CGNL1: variants seen among roughly 807,000 people sequenced by gnomAD.
CGNL1 encodes the protein cingulin like 1.
CGNL1 carries 132 observed loss-of-function variants against 141.2 expected under a neutral mutation model. The observed-to-expected ratio is 0.93, with a 90% confidence interval of 0.81 to 1.08. The LOEUF (loss-of-function observed/expected upper bound fraction) is 1.08. Ranked by LOEUF, CGNL1 falls within the 50% of genes least tolerant of loss-of-function variation. The pLI, the probability that CGNL1 is intolerant of heterozygous loss-of-function variation, is 0.00. For missense variants in CGNL1, 1,870 were observed against 1,588.6 expected (o/e 1.18, Z -3.01); for synonymous variants, 690 against 622.1 (o/e 1.11, Z -1.63).
intron 8 of CGNL1, among the ~76,000 whole-genome samples, chr15:57,498,440 A>G (rs1270739703): frequency 2.0e-5 from 3 of 151,960 alleles, no homozygotes; most frequent in African/African-American, 7.3e-5. Flanking sequence ...CCTGGGCTTA[A>G]GTGATCCATC....
chr15:57,546,890 G>C (rs974054082), intron 18 of CGNL1, among the ~76,000 whole-genome samples: 4 of 152,100 alleles, frequency 2.6e-5, no homozygotes, highest in African/African-American at 9.7e-5. Flanking sequence ...TGGACAGAAG[G>C]CTCCAGCCCA....
At chr15:57,392,882 A>T (rs2152234209) in intron 1 of CGNL1, among the ~76,000 whole-genome samples, 1 of 152,334 alleles carries the variant, frequency 6.6e-6, no homozygotes, top group Middle Eastern at 3.4e-3. Context: ...CTAATACATA[A>T]AAAATTGTTA....
chr15:57,409,078 C>G (rs2062757111), intron 1 of CGNL1, among the ~76,000 whole-genome samples: 1 of 151,336 alleles, frequency 6.6e-6, no homozygotes, highest in Non-Finnish European at 1.5e-5. Context: ...CACACATTGC[C>G]TTTTGACTTC....
chr15:57,531,167 A>G (rs1242228100), intron 13 of CGNL1, among the ~76,000 whole-genome samples: 1 of 152,224 alleles, frequency 6.6e-6, no homozygotes, highest in African/African-American at 2.4e-5. Flanking sequence ...ATTGGTTAGC[A>G]CTGTCTTTTG....
chr15:57,391,550 C>G (rs941570312), intron 1 of CGNL1, among the ~76,000 whole-genome samples: 1 of 152,154 alleles, frequency 6.6e-6, no homozygotes, highest in African/African-American at 2.4e-5. Flanking sequence ...ATCTAGAGAG[C>G]AGTTTGGCAA....
At chr15:57,414,550 C>G (rs1383042977) in intron 1 of CGNL1, among the ~76,000 whole-genome samples, 1 of 152,162 alleles carries the variant, frequency 6.6e-6, no homozygotes, top group Non-Finnish European at 1.5e-5. Flanking sequence ...GTGTGGTTAA[C>G]TGCCCTGCCC....
At chr15:57,523,089 G>A (rs774167493) in intron 10 of CGNL1, among the ~76,000 whole-genome samples, 2 of 152,226 alleles carry the variant, frequency 1.3e-5, no homozygotes, top group Non-Finnish European at 2.9e-5. Flanking sequence ...AACATTAGGT[G>A]TGATGCTGTG....
intron 1 of CGNL1, among the ~76,000 whole-genome samples, chr15:57,433,389 G>A (rs1295745553): frequency 3.9e-5 from 6 of 152,206 alleles, no homozygotes; most frequent in Admixed American, 3.3e-4. Context: ...GTAGTAAGGG[G>A]AGAAAAAATG....
chr15:57,539,317 G>A (rs1469275712), intron 14 of CGNL1, among the ~76,000 whole-genome samples: 3 of 151,956 alleles, frequency 2.0e-5, no homozygotes, highest in Non-Finnish European at 4.4e-5. Flanking sequence ...CCAAGCCCTG[G>A]AGGATCCTCT....
intron 1 of CGNL1, among the ~76,000 whole-genome samples, chr15:57,418,173 G>A (rs1467785497): frequency 2.0e-5 from 3 of 152,130 alleles, no homozygotes; most frequent in African/African-American, 7.2e-5. Flanking sequence ...AGGGATGCTG[G>A]GTTCTCAGGT....
chr15:57,546,751 G>A (rs531818466), intron 18 of CGNL1, among the ~76,000 whole-genome samples: 1 of 152,270 alleles, frequency 6.6e-6, no homozygotes, highest in Admixed American at 6.5e-5. Flanking sequence ...TTCTGCTCTA[G>A]GGTCTCTCCC....
At chr15:57,512,306 A>C (rs963135622) in intron 8 of CGNL1, among the ~76,000 whole-genome samples, 11 of 152,150 alleles carry the variant, frequency 7.2e-5, no homozygotes, top group Admixed American at 4.6e-4. Context: ...TTCCATTACT[A>C]CTGCAAGTGA....
intron 8 of CGNL1, among the ~76,000 whole-genome samples, chr15:57,504,732 G>A (rs865898672): frequency 2.6e-5 from 4 of 152,148 alleles, no homozygotes; most frequent in South Asian, 4.1e-4. Flanking sequence ...CTTGTACCTG[G>A]ACATGTCACC....
At chr15:57,504,647 G>A (rs1467821004) in intron 8 of CGNL1, among the ~76,000 whole-genome samples, 2 of 151,816 alleles carry the variant, frequency 1.3e-5, no homozygotes, top group East Asian at 1.9e-4. Context: ...CTGAGTCCCC[G>A]GGGGACCCAG....
chr15:57,490,721 T>A (rs571550611), intron 8 of CGNL1, among the ~76,000 whole-genome samples: 2 of 151,966 alleles, frequency 1.3e-5, no homozygotes, highest in Non-Finnish European at 2.9e-5. Flanking sequence ...CCTTCCAGAG[T>A]GTACAGGATG....
At chr15:57,468,565 T>A (rs974283782) in intron 8 of CGNL1, among the ~76,000 whole-genome samples, 7 of 119,012 alleles carry the variant, frequency 5.9e-5, no homozygotes, top group Non-Finnish European at 1.1e-4. Context: ...TTTGCGTGTG[T>A]GTGTGTGTGT....
At chr15:57,470,515 T>C (rs1277801304) in intron 8 of CGNL1, among the ~76,000 whole-genome samples, 2 of 152,018 alleles carry the variant, frequency 1.3e-5, no homozygotes, top group Non-Finnish European at 2.9e-5. Flanking sequence ...CGGGCCTCCA[T>C]GAGGGATAAA....
chr15:57,451,378 G>A (rs981973444), intron 4 of CGNL1, 122 bp from the exon 5 acceptor site: 2 of 664,614 alleles, frequency 3.0e-6, no homozygotes, highest in South Asian at 2.5e-5. Flanking sequence ...TTTGAATTGG[G>A]TCTTAAAATG....
In CGNL1 at chr15:57,438,992, CAG is replaced by C. The variant is rs1303522617; in HGVS notation, c.995_996del (p.Arg332LysfsTer14). The C allele has an allele frequency of 1.2e-6, 2 of 1,614,174 alleles. No individual in the cohort carries two copies. The highest frequency in any genetic ancestry group is 3.3e-5 in the Admixed American group (2 of 60,028). ...CCGACAACGTCAATCGTCATGAAAA[CAG>C]AAGGTATATTCCCTTCCTGCCAGGA... is the stretch of plus-strand genomic sequence containing the variant. ...HADNVNRHEN[R>X]RYIPFLPGTG... On this transcript the variant is annotated frameshift_variant, in exon 2 of 19. Transcript: ENST00000281282. LOFTEE classifies it high-confidence loss of function.
Sources: gnomAD v4.1 joint callset for allele counts (sites outside exome capture counted in the v4.1 genomes callset) on GRCh38, gnomAD v4.1.1 for gene constraint, MANE v1.5 for transcripts, NCBI Gene and HGNC (gene_info 2026-07-23, HGNC 2026-07-21) for gene names.